C1orf94: variants seen among roughly 807,000 people sequenced by gnomAD.
C1orf94 encodes the protein uncharacterized protein C1orf94.
Under a neutral mutation model 53.6 loss-of-function variants are expected in C1orf94, and 45 were observed. The observed-to-expected ratio is 0.84, with a 90% CI of 0.66 to 1.08. The LOEUF (loss-of-function observed/expected upper bound fraction) is 1.08, where lower values mean the gene tolerates loss of function less well. C1orf94 is among the 50% of genes least tolerant of loss of function. The pLI, the probability that C1orf94 is intolerant of heterozygous loss-of-function variation, is 0.00. For missense variants in C1orf94, 762 were observed against 738.9 expected (o/e 1.03, Z -0.36); for synonymous variants, 304 against 296.1 (o/e 1.03, Z -0.27).
At chr1:34,218,049 G>A (rs968510440) in intron 6 of C1orf94, among the ~76,000 whole-genome samples, 4 of 152,172 alleles carry the variant, frequency 2.6e-5, no homozygotes, top group African/African-American at 7.2e-5. Flanking sequence ...ATAGGAGTGT[G>A]CCAGGGAGAA....
intron 1 of C1orf94, among the ~76,000 whole-genome samples, chr1:34,190,269 C>G (rs1642461411): frequency 6.6e-6 from 1 of 152,184 alleles, no homozygotes; most frequent in African/African-American, 2.4e-5. Context: ...AACCCTCACC[C>G]ATGGAAACCA....
At chr1:34,207,277 GTGT>G (rs1642815706) in intron 4 of C1orf94, among the ~76,000 whole-genome samples, 1 of 151,248 alleles carries the variant, frequency 6.6e-6, no homozygotes, top group South Asian at 2.1e-4. Flanking sequence ...GTGTGTGTGT[GTGT>G]GTGTGTGTGT....
At chr1:34,176,576 C>T (rs1488968768), upstream of C1orf94, among the ~76,000 whole-genome samples, 17 of 152,128 alleles carry the variant, frequency 1.1e-4, no homozygotes, top group Admixed American at 1.1e-3. Flanking sequence ...TCTCAGGGGG[C>T]CTTGGACGCA....
Position 34,197,483 on chromosome 1 carries a change from TATC to T in C1orf94, c.581_583del (p.Ile194del). 6.2e-7 allele frequency: 1 copy of T among 1,614,106 alleles called. No homozygotes were observed. Among genetic ancestry groups the T allele is most frequent in the Non-Finnish European group, 8.5e-7 (1 of 1,180,002 alleles). ...TGAAGCAGAAGGTGGCCATGCCCGT[TATC>T]AGCAGCAGGCAGGACTGTGATTCTG... is the stretch of plus-strand genomic sequence containing the variant. On this transcript the variant is annotated inframe_deletion, in exon 2 of 7. Transcript: ENST00000488417. This position sits in a 1 kb window ranked among gnomAD's most constrained non-coding sequence, Gnocchi z 4.1.
intron 4 of C1orf94, among the ~76,000 whole-genome samples, chr1:34,205,547 A>T (rs1324408037): frequency 6.6e-6 from 1 of 152,192 alleles, no homozygotes; most frequent in Non-Finnish European, 1.5e-5. Flanking sequence ...CAGCAGCAGC[A>T]GTAGCTACTG....
chr1:34,216,787 A>G lies in C1orf94; in HGVS notation c.1722-1899A>G, dbSNP rs77726110. On this transcript the variant is annotated intron_variant, in intron 6 of 6. Transcript: ENST00000488417. ...GAGAGTTAAAAGGAGTACAGATAAT[A>G]ATTATATCAGGCCAGACACGGTGGC... Among the ~76,000 whole-genome samples the G allele has an allele frequency of 3.9e-3, 590 of 152,292 alleles. 4 individuals are homozygous for G. Among genetic ancestry groups the G allele is most frequent in the African/African-American group, 0.014 (561 of 41,546 alleles).
chr1:34,186,881 C>G lies in C1orf94; in HGVS notation c.320+8772C>G, dbSNP rs371709293. ...TCTTAAGGGCAAGGTCTGTGTCTTA[C>G]TCATCTTTGTCTCCCCAGTGCCCAG... is the stretch of plus-strand genomic sequence containing the variant. On this transcript the variant is annotated intron_variant, in intron 1 of 6. Coordinates refer to ENST00000488417, the MANE Select transcript of C1orf94 (RefSeq NM_001134734.2). Among the ~76,000 whole-genome samples the G allele has an allele frequency of 2.6e-5, 4 of 152,328 alleles. No individual in the cohort carries two copies. The South Asian group carries it at 8.3e-4, about 32-fold the overall frequency.
intron 5 of C1orf94, among the ~76,000 whole-genome samples, chr1:34,211,232 G>T (rs1432243805): frequency 6.6e-6 from 1 of 152,108 alleles, no homozygotes; most frequent in Non-Finnish European, 1.5e-5. Context: ...TGCCTTAGTG[G>T]TCTTTTCTTT....
chr1:34,167,776 G>A (rs1013649664), intron 1 of C1orf94, among the ~76,000 whole-genome samples: 2 of 152,132 alleles, frequency 1.3e-5, no homozygotes, highest in Admixed American at 1.3e-4. Context: ...GCATGCTACC[G>A]AGAGGCATGT....
In C1orf94 at chr1:34,181,480, A is replaced by G. The variant is rs116635391; in HGVS notation, c.320+3371A>G. 4.3e-3 allele frequency among the ~76,000 whole-genome samples: 654 copies of G among 152,278 alleles called. 7 individuals are homozygous for G. The highest frequency in any genetic ancestry group is 0.015 in the African/African-American group (632 of 41,550). On this transcript the variant is annotated intron_variant, in intron 1 of 6. Coordinates refer to ENST00000488417, the MANE Select transcript of C1orf94 (RefSeq NM_001134734.2). ...TCTGTGGACACATTTTCAATCTCTT[A>G]ATTCATTCATTCAATTATTCATTCA...
At chr1:34,206,882 G>A (rs1197165596) in intron 4 of C1orf94, among the ~76,000 whole-genome samples, 1 of 152,202 alleles carries the variant, frequency 6.6e-6, no homozygotes, top group Admixed American at 6.5e-5. Flanking sequence ...AGGGGCCTGA[G>A]CATGGGAATG....
chr1:34,192,791 C>G (rs1198023758), intron 1 of C1orf94, among the ~76,000 whole-genome samples: 1 of 152,090 alleles, frequency 6.6e-6, no homozygotes, highest in Admixed American at 6.6e-5. Context: ...TCAAGGGACA[C>G]TGGGGGGTTG....
intron 4 of C1orf94, among the ~76,000 whole-genome samples, chr1:34,207,263 GTGTGTGTGT>G (rs1431037415): frequency 0.019 from 185 of 9,556 alleles, no homozygotes; most frequent in Middle Eastern, 0.18. Flanking sequence ...GTTCTGCGGG[GTGTGTGTGT>G]GTGTGTGTGT....
chr1:34,167,309 G>C (rs1050559498), intron 1 of C1orf94: 3 of 152,138 alleles, frequency 2.0e-5, no homozygotes, highest in African/African-American at 7.2e-5. Context: ...AGATGCCCAG[G>C]CCTCCTGTGC....
At chr1:34,212,864 C>A (rs983214814) in intron 6 of C1orf94, among the ~76,000 whole-genome samples, 35 of 152,138 alleles carry the variant, frequency 2.3e-4, no homozygotes, top group Non-Finnish European at 3.4e-4. Context: ...TGCGGAAGAG[C>A]CTTCGACTGC....
At chr1:34,215,125 G>A (rs1642963333) in intron 6 of C1orf94, among the ~76,000 whole-genome samples, 1 of 152,200 alleles carries the variant, frequency 6.6e-6, no homozygotes, top group South Asian at 2.1e-4. Flanking sequence ...ATGGGTTGGG[G>A]TGGGGAGAAG....
Position 34,177,879 on chromosome 1 carries a change from T to G in C1orf94, c.90T>G (p.Leu30=). 6.4e-7 allele frequency: 1 copy of G among 1,551,558 alleles called. No individual in the cohort carries two copies. Among genetic ancestry groups the G allele is most frequent in the Non-Finnish European group, 8.7e-7 (1 of 1,146,900 alleles). The part of the protein sequence containing the change: ...ERRRMASGNG[L]PSSSALVAKG... ...GGAGGATGGCCAGCGGGAATGGGCTTCCTTCATCCTCGGCCCTGGTGGCCA... is the reference window on the plus strand; with the variant it reads ...GGAGGATGGCCAGCGGGAATGGGCTGCCTTCATCCTCGGCCCTGGTGGCCA... The change falls in exon 1 of 7, where the codon CTT becomes CTG. Residue 30 remains leucine (L), a synonymous_variant. Transcript: ENST00000488417.
At chr1:34,188,453 G>A (rs539229266) in intron 1 of C1orf94, among the ~76,000 whole-genome samples, 3 of 152,222 alleles carry the variant, frequency 2.0e-5, no homozygotes, top group East Asian at 1.9e-4. Flanking sequence ...GAGATTTCAC[G>A]GTGTTGCCTT....
At position 34,197,870 on chromosome 1, in the gene C1orf94, C is replaced by T; in HGVS notation, c.966C>T (p.Ser322=). 2 of 1,614,164 alleles carry T rather than the reference C, an allele frequency of 1.2e-6. No homozygotes were observed. The highest frequency in any genetic ancestry group is 1.7e-6 in the Non-Finnish European group (2 of 1,180,014). Residue 322 remains serine (S), a synonymous_variant, in exon 2 of 7, where the codon TCC becomes TCT. Transcript: ENST00000488417. This position sits in a 1 kb window ranked among gnomAD's most constrained non-coding sequence, Gnocchi z 4.1. ...RQLPVFAKIC[S]KPKADPAVER... ...TCCCAGTGTTTGCCAAGATCTGTTC[C>T]AAGCCCAAGGCTGACCCTGCTGTGG...
Sources: gnomAD v4.1 joint callset for allele counts (sites outside exome capture counted in the v4.1 genomes callset) on GRCh38, gnomAD v4.1.1 for gene constraint, Gnocchi (gnomAD v3.1) non-coding constraint, MANE v1.5 for transcripts, NCBI Gene and HGNC (gene_info 2026-07-23, HGNC 2026-07-21) for gene names.